Variants in SYCP2 observed in about 807,000 individuals in gnomAD.
SYCP2 encodes synaptonemal complex lateral element protein.
SYCP2 carries 55 observed loss-of-function variants against 211.3 expected under a neutral mutation model. That is an observed-to-expected ratio of 0.26 (90% CI 0.21 to 0.33). The LOEUF (loss-of-function observed/expected upper bound fraction) is 0.33, where lower values mean the gene tolerates loss of function less well. SYCP2 is among the 10% of genes least tolerant of loss of function. The pLI is 1.00. For missense variants in SYCP2, 1,731 were observed against 1,752.0 expected, an observed-to-expected ratio of 0.99 and a Z score of 0.21; for synonymous variants, 570 against 555.2, an observed-to-expected ratio of 1.03 and a Z score of -0.37.
rs185458709 is a variant in SYCP2 at position 59,865,429 on chromosome 20, C to T, written c.4474G>A (p.Glu1492Lys). Reference sequence around the variant, plus strand: ...CTGTCTTGCAGCACTTTCATATCTTCTTTCATCAAACACATCTGTAAAAAA... The same window carrying T: ...CTGTCTTGCAGCACTTTCATATCTTTTTTCATCAAACACATCTGTAAAAAA... Reference protein sequence around the residue: ...VFTSEMCLMKEDMKVLQDRLL... With the variant: ...VFTSEMCLMKKDMKVLQDRLL... Residue 1492 changes from glutamate to lysine, a missense_variant, in exon 44 of 45, where the codon GAA becomes AAA. Around this residue, in one of 3 missense-constraint regions of SYCP2, gnomAD observed 1,387 missense variants for 1,351.3 expected, o/e 1.03. Coordinates refer to ENST00000357552, the MANE Select transcript of SYCP2 (RefSeq NM_014258.4). The T allele has an allele frequency of 3.7e-6, 6 of 1,609,976 alleles. No individual in the cohort carries two copies. In the African/African-American group the frequency reaches 6.7e-5, roughly 18 times the overall value.
intron 42 of SYCP2, 25 bp downstream of exon 42, chr20:59,865,782 T>C (rs368971727): frequency 8.7e-6 from 11 of 1,263,684 alleles, no homozygotes; most frequent in South Asian, 2.1e-5. Flanking sequence ...TTATAGATTA[T>C]AGCCATTAAG....
At chr20:59,868,624 A>G (rs1340179628) in intron 37 of SYCP2, 56 bp from the exon 38 acceptor site, 6 of 1,505,544 alleles carry the variant, frequency 4.0e-6, no homozygotes, top group Non-Finnish European at 8.8e-7. Context: ...AAAATACCTC[A>G]TATTTTCTTG....
chr20:59,907,848 T>C (rs1040075101), intron 14 of SYCP2, among the ~76,000 whole-genome samples: 9 of 152,230 alleles, frequency 5.9e-5, no homozygotes, highest in African/African-American at 2.2e-4. Context: ...TTGATTTAAA[T>C]ATGAATGCGC....
chr20:59,900,410 G>A, intron 17 of SYCP2, 126 bp from the exon 18 acceptor site: 1 of 883,672 alleles, frequency 1.1e-6, no homozygotes, highest in Non-Finnish European at 1.6e-6. Flanking sequence ...CTATCCATGT[G>A]CTGTTATAAT....
At chr20:59,911,966 A>G (rs1448536987) in intron 13 of SYCP2, 121 bp from the exon 14 acceptor site, 1 of 473,176 alleles carries the variant, frequency 2.1e-6, no homozygotes, top group Admixed American at 4.0e-5. Context: ...AAGAGAAAGA[A>G]CAGACAAGTA....
chr20:59,880,238 A>G (rs1032253540), intron 31 of SYCP2, 65 bp downstream of exon 31: 50 of 1,298,008 alleles, frequency 3.9e-5, no homozygotes, highest in Non-Finnish European at 5.2e-5. Context: ...TATATAAAGC[A>G]TTTTCAATAA....
In SYCP2 at chr20:59,887,435, G is replaced by A. The variant is rs537499390; in HGVS notation, c.2365-601C>T. On this transcript the variant is annotated intron_variant, in intron 24 of 44. Coordinates refer to ENST00000357552, the MANE Select transcript of SYCP2 (RefSeq NM_014258.4). ...GGGTGGGTTCCAAGTCTTTGCTATC[G>A]TGAATAGTGCCACAATGAACATACG... 5.3e-5 allele frequency among the ~76,000 whole-genome samples: 8 copies of A among 152,210 alleles called. No individual in the cohort carries two copies. The South Asian group carries it at 6.2e-4, about 12-fold the overall frequency.
chr20:59,886,046 G>A, intron 25 of SYCP2, 82 bp from the exon 26 acceptor site: 1 of 1,056,748 alleles, frequency 9.5e-7, no homozygotes, highest in Non-Finnish European at 1.4e-6. Context: ...AACCATGTTT[G>A]TCACTAAATT....
intron 35 of SYCP2, among the ~76,000 whole-genome samples, chr20:59,870,388 T>C (rs1428618080): frequency 6.6e-6 from 1 of 151,868 alleles, no homozygotes; most frequent in Non-Finnish European, 1.5e-5. Context: ...AAACAATCAA[T>C]AGTTTTTCTA....
chr20:59,886,790 G>A lies in SYCP2; in HGVS notation c.2409C>T (p.Ser803=). ...ATCTTTTATTGATTTGGCTTATCAA[G>A]GATTCTGCTACATTGGTAAATTCTT... is the stretch of plus-strand genomic sequence containing the variant. ...KGKEFTNVAE[S]LISQINKRYK... Residue 803 remains serine, a synonymous_variant, in exon 25 of 45, where the codon TCC becomes TCT. Transcript: ENST00000357552. 1 of 1,591,102 alleles carries A rather than the reference G, an allele frequency of 6.3e-7. No homozygotes were observed. Among genetic ancestry groups the A allele is most frequent in the Non-Finnish European group, 8.5e-7 (1 of 1,172,646 alleles).
chr20:59,870,295 A>T (rs1416428834), intron 35 of SYCP2, among the ~76,000 whole-genome samples: 1 of 151,768 alleles, frequency 6.6e-6, no homozygotes, highest in East Asian at 1.9e-4. Context: ...CATGTGTAAC[A>T]GTTTATATGG....
At chr20:59,865,766 C>A (rs1006535665) in intron 42 of SYCP2, 41 bp downstream of exon 42, 27 of 1,162,676 alleles carry the variant, frequency 2.3e-5, no homozygotes, top group Non-Finnish European at 3.1e-5. Context: ...ATTTAAAAAT[C>A]TAATTTTATA....
rs140598389 is a variant in SYCP2, at chr20:59,900,814, G to C, written c.1187C>G (p.Ser396Cys). 5.4e-4 allele frequency: 872 copies of C among 1,608,260 alleles called. 7 individuals carry two copies. The highest frequency in any genetic ancestry group is 1.1e-4 in the Non-Finnish European group (128 of 1,175,558). ...AACTGAAATACCTTGTTTTCTGATAGATTCCTAAAATTAAATCAATTCACA... is the reference window on the plus strand; with the variant it reads ...AACTGAAATACCTTGTTTTCTGATACATTCCTAAAATTAAATCAATTCACA... ...KIFGATKHRE[S>C]IRKQGISVAK... is the part of the protein sequence containing the mutation. Residue 396 changes from serine to cysteine, a missense_variant, in exon 17 of 45, where the codon TCT (serine) becomes TGT (cysteine). Transcript: ENST00000357552.
intron 24 of SYCP2, among the ~76,000 whole-genome samples, chr20:59,889,634 G>A (rs2059865308): frequency 6.6e-6 from 1 of 151,828 alleles, no homozygotes; most frequent in Non-Finnish European, 1.5e-5. Flanking sequence ...TATATAATAG[G>A]TACTAAGTTA....
chr20:59,905,977 A>G (rs1358774338), intron 15 of SYCP2, among the ~76,000 whole-genome samples: 1 of 152,178 alleles, frequency 6.6e-6, no homozygotes, highest in Non-Finnish European at 1.5e-5. Flanking sequence ...GTAAAATTAA[A>G]GATCAATTCT....
At chr20:59,907,592 T>C (rs1032751707) in intron 14 of SYCP2, among the ~76,000 whole-genome samples, 168 bp from the exon 15 acceptor site, 2 of 151,628 alleles carry the variant, frequency 1.3e-5, no homozygotes, top group Admixed American at 6.6e-5. Flanking sequence ...ATATTACACA[T>C]GTTATATTTA....
In SYCP2 at chr20:59,864,195, A is replaced by C. The variant is rs2059284693; in HGVS notation, c.*116T>G. On this transcript the variant is annotated 3_prime_UTR_variant, in exon 45 of 45. Transcript: ENST00000357552. ...TTTTTTTAATTTGAGGGTTCCTATA[A>C]AGGGTACACTTGCTTCGGTGACATG... is the stretch of plus-strand genomic sequence containing the variant. 1.5e-6 allele frequency: 1 copy of C among 676,148 alleles called. No homozygotes were observed. The highest frequency in any genetic ancestry group is 2.4e-6 in the Non-Finnish European group (1 of 420,890). The allele number at this position is 676,148 out of a possible 1,614,324, so 41.9% of individuals were successfully genotyped here. A position where few individuals can be genotyped will look rare whatever the true frequency, so the allele number is the denominator to read the frequency against.
In SYCP2 at chr20:59,911,783, C is replaced by G. The variant is rs2145834305; in HGVS notation, c.939G>C (p.Gln313His). The G allele has an allele frequency of 6.3e-7, 1 of 1,592,446 alleles. No individual in the cohort carries two copies. The highest frequency in any genetic ancestry group is 8.6e-7 in the Non-Finnish European group (1 of 1,166,874). The change falls in exon 14 of 45, where the codon CAG (glutamine) becomes CAC (histidine). Residue 313 changes from glutamine to histidine, a missense_variant. Gln to His is a conservative substitution (Grantham distance 24, BLOSUM62 0). Transcript: ENST00000357552. Reference protein sequence around the residue: ...EFWIDFNLGSQTLSFYIAGDN... With the variant: ...EFWIDFNLGSHTLSFYIAGDN... ...CTCCAGCAATGTAGAATGAGAGAGTCTGACTCCCAAGATTAAAATCAATCC... is the reference window on the plus strand; with the variant it reads ...CTCCAGCAATGTAGAATGAGAGAGTGTGACTCCCAAGATTAAAATCAATCC...
chr20:59,881,192 A>G (rs536237323), intron 29 of SYCP2, among the ~76,000 whole-genome samples, 169 bp from the exon 30 acceptor site: 2 of 151,960 alleles, frequency 1.3e-5, no homozygotes, highest in South Asian at 2.1e-4. Context: ...TAAAATAACT[A>G]TATTGGATTA....
Sources: allele counts gnomAD v4.1 joint callset (sites outside exome capture counted in the v4.1 genomes callset), GRCh38; gene constraint gnomAD v4.1.1; regional missense constraint gnomAD v4.1.1; transcripts MANE v1.5; gene names NCBI Gene and HGNC (gene_info 2026-07-23, HGNC 2026-07-21).